RYR3: variants seen among roughly 807,000 people sequenced by gnomAD.
The protein encoded by RYR3 is brain ryanodine receptor-calcium release channel.
A neutral mutation model predicts 584.3 loss-of-function variants in RYR3; 207 were observed. The observed-to-expected ratio is 0.35, with a 90% CI of 0.32 to 0.40. RYR3 has a LOEUF of 0.40. Ranked by LOEUF, RYR3 falls within the 10% of genes least tolerant of loss-of-function variation. The pLI, the probability that RYR3 is intolerant of heterozygous loss-of-function variation, is 1.00. For synonymous variants in RYR3, 2,416 were observed against 2,248.5 expected (o/e 1.07, Z -2.11); for missense variants, 5,616 against 6,089.2 (o/e 0.92, Z 2.59).
At chr15:33,691,593 A>G (rs1324398439) in intron 38 of RYR3, among the ~76,000 whole-genome samples, 1 of 152,160 alleles carries the variant, frequency 6.6e-6, no homozygotes, top group Non-Finnish European at 1.5e-5. Context: ...CATTCATGAA[A>G]TAAGCAGCTA....
At chr15:33,733,275 T>C (rs539616834) in intron 48 of RYR3, among the ~76,000 whole-genome samples, 34 of 152,378 alleles carry the variant, frequency 2.2e-4, no homozygotes, top group African/African-American at 7.5e-4. Context: ...TGGAAACTTA[T>C]GTCCATACAA....
intron 60 of RYR3, among the ~76,000 whole-genome samples, chr15:33,764,392 A>G (rs1182520024): frequency 6.6e-6 from 1 of 152,114 alleles, no homozygotes; most frequent in Non-Finnish European, 1.5e-5. Flanking sequence ...ACACATAGAC[A>G]CAGAGAGGGG....
Position 33,724,179 on chromosome 15 carries a change from A to G in RYR3, c.6912+3A>G, listed in dbSNP as rs1469627139. ...GCCGCTGTGCTCCTGAAATGCACGT[A>G]AGTGATACAGCTTCCAGAGAACAGC... On this transcript the variant is annotated splice_donor_region_variant and intron_variant, in intron 45 of 103. Coordinates refer to ENST00000634891, the MANE Select transcript of RYR3 (RefSeq NM_001036.6). 1 of 1,526,674 alleles carries G rather than the reference A, an allele frequency of 6.6e-7. No homozygotes were observed. Among genetic ancestry groups the G allele is most frequent in the East Asian group, 2.3e-5 (1 of 44,342 alleles). The allele number at this position is 1,526,674 out of a possible 1,614,324, so 94.6% of individuals were successfully genotyped here. A position where few individuals can be genotyped will look rare whatever the true frequency, so the allele number is the denominator to read the frequency against.
chr15:33,720,774 C>T (rs910466865), intron 43 of RYR3, among the ~76,000 whole-genome samples: 1 of 151,886 alleles, frequency 6.6e-6, no homozygotes, highest in Non-Finnish European at 1.5e-5. Flanking sequence ...CTCAAGAGGC[C>T]GAGGTGGGAG....
chr15:33,766,518 A>G (rs562708653), intron 60 of RYR3, among the ~76,000 whole-genome samples: 2 of 152,224 alleles, frequency 1.3e-5, no homozygotes, highest in Non-Finnish European at 2.9e-5. Context: ...AGATATTCAG[A>G]TAATCCAACA....
At chr15:33,616,249 G>C (rs370982362) in intron 19 of RYR3, among the ~76,000 whole-genome samples, 9 of 152,282 alleles carry the variant, frequency 5.9e-5, no homozygotes, top group South Asian at 4.1e-4. Flanking sequence ...TCCACATTTT[G>C]TGTTTAGAGA....
At chr15:33,549,058 CAT>C (rs2141229940) in intron 9 of RYR3, among the ~76,000 whole-genome samples, 1 of 89,666 alleles carries the variant, frequency 1.1e-5, no homozygotes, top group East Asian at 2.4e-4. Context: ...ACCATACACA[CAT>C]ATGCACACGT....
chr15:33,715,667 C>T lies in RYR3; in HGVS notation c.6620-7048C>T, dbSNP rs1214497635. 2.0e-5 allele frequency among the ~76,000 whole-genome samples: 3 copies of T among 152,126 alleles called. No homozygotes were observed. In the East Asian group the frequency reaches 5.8e-4, roughly 29 times the overall value. The stretch of plus-strand genomic sequence containing the variant: ...AAGACTGGGAAGTTCAAGAACAAGG[C>T]ACCAGTAAGATTGATGTCTGGGAGG... On this transcript the variant is annotated intron_variant, in intron 43 of 103. Transcript: ENST00000634891.
At chr15:33,513,033 C>T (rs1420364231) in intron 3 of RYR3, among the ~76,000 whole-genome samples, 1 of 152,104 alleles carries the variant, frequency 6.6e-6, no homozygotes, top group East Asian at 1.9e-4. Context: ...ATGTTTTAAT[C>T]CTTAATTGTA....
chr15:33,574,005 C>T (rs1166606379), intron 12 of RYR3, among the ~76,000 whole-genome samples: 2 of 152,110 alleles, frequency 1.3e-5, no homozygotes, highest in African/African-American at 4.8e-5. Context: ...AGTGAGAACC[C>T]AACAGACAGA....
Position 33,746,104 on chromosome 15 carries a change from GA to G in RYR3, c.7940del (p.Asn2647MetfsTer2). Reference protein sequence around the residue: ...SGWKYGISLDENVKTHPLIRP... With the variant: ...SGWKYGISLDXNVKTHPLIRP... ...ATGGAAATATGGGATTTCCCTGGAT[GA>G]AAATGTGAAGACCCACCCACTGATA... On this transcript the variant is annotated frameshift_variant, in exon 53 of 104. Coordinates refer to ENST00000634891, the MANE Select transcript of RYR3 (RefSeq NM_001036.6). LOFTEE classifies it high-confidence loss of function. 1 of 1,601,166 alleles carries G rather than the reference GA, an allele frequency of 6.2e-7. No individual in the cohort carries two copies. Among genetic ancestry groups the G allele is most frequent in the Admixed American group, 1.7e-5 (1 of 58,428 alleles).
At chr15:33,799,005 C>T (rs2075774411) in intron 67 of RYR3, among the ~76,000 whole-genome samples, 1 of 152,288 alleles carries the variant, frequency 6.6e-6, no homozygotes, top group Non-Finnish European at 1.5e-5. Flanking sequence ...TGTTACCCTA[C>T]ATGAGGCAAG....
At chr15:33,865,099 A>AAAAT (rs1567373990) in intron 103 of RYR3, 32 bp from the exon 104 acceptor site, 2 of 1,559,814 alleles carry the variant, frequency 1.3e-6, no homozygotes, top group Admixed American at 1.7e-5. Flanking sequence ...CTGTGGTTTA[A>AAAAT]AAATAAGCAC....
intron 19 of RYR3, among the ~76,000 whole-genome samples, chr15:33,622,870 A>C (rs1380841030): frequency 6.6e-6 from 1 of 152,208 alleles, no homozygotes; most frequent in African/African-American, 2.4e-5. Context: ...TCATTTTGAA[A>C]TAGCTTACTT....
At chr15:33,479,427 TAA>T (rs71415521) in intron 2 of RYR3, among the ~76,000 whole-genome samples, 4 of 48,076 alleles carry the variant, frequency 8.3e-5, no homozygotes, top group African/African-American at 1.9e-4. Context: ...TATAAAACTT[TAA>T]AAAAAAAAAA....
chr15:33,539,487 C>T lies in RYR3; in HGVS notation c.546+25C>T, dbSNP rs750168075. ...TGTAAGTACCTCATAATATAAGAGT[C>T]TTCTGTTTTCAGAAATTTTTCCTTT... On this transcript the variant is annotated intron_variant, in intron 6 of 103. Transcript: ENST00000634891. The T allele has an allele frequency of 3.5e-6, 5 of 1,434,036 alleles. No individual in the cohort carries two copies. In the African/African-American group the frequency reaches 7.1e-5, roughly 20 times the overall value. 88.8% of individuals were successfully genotyped at this position (1,434,036 alleles called of 1,614,324 possible).
At chr15:33,543,820 G>C in intron 8 of RYR3, 105 bp downstream of exon 8, 1 of 797,842 alleles carries the variant, frequency 1.3e-6, no homozygotes, top group South Asian at 1.5e-5. Context: ...GTACATGTCA[G>C]TCCATTGACA....
chr15:33,438,234 A>C (rs556675419), intron 1 of RYR3, among the ~76,000 whole-genome samples: 3 of 152,104 alleles, frequency 2.0e-5, no homozygotes, highest in African/African-American at 7.2e-5. Flanking sequence ...ACCATGATGT[A>C]CGGTGGATCC....
At chr15:33,853,789 C>G in intron 96 of RYR3, 107 bp downstream of exon 96, 1 of 1,429,828 alleles carries the variant, frequency 7.0e-7, no homozygotes, top group Non-Finnish European at 9.4e-7. Flanking sequence ...AGGCTGTGGT[C>G]TGGCTTAGGT....
Sources: gnomAD v4.1 joint callset for allele counts (sites outside exome capture counted in the v4.1 genomes callset) on GRCh38, gnomAD v4.1.1 for gene constraint, MANE v1.5 for transcripts, NCBI Gene and HGNC (gene_info 2026-07-23, HGNC 2026-07-21) for gene names.